SGCD: variants seen among roughly 807,000 people sequenced by gnomAD.
SGCD encodes the protein delta-sarcoglycan.
In SGCD, 18 loss-of-function variants were observed where a neutral mutation model predicts 36.6. The ratio of observed to expected loss-of-function variants is 0.49; its 90% confidence interval spans 0.34 to 0.73. The LOEUF (loss-of-function observed/expected upper bound fraction) is 0.73. Among genes scored for constraint, SGCD ranks in the 30% least tolerant of loss-of-function variants. The pLI, the probability that SGCD is intolerant of heterozygous loss-of-function variation, is 0.01. For missense variants in SGCD, 387 were observed against 346.7 expected (o/e 1.12, Z -0.92); for synonymous variants, 133 against 130.6 (o/e 1.02, Z -0.12).
chr5:155,883,793 C>CAAAAAAAAAAAAA (rs34250962), intron 1 of SGCD, among the ~76,000 whole-genome samples: 3 of 83,520 alleles, frequency 3.6e-5, no homozygotes, highest in African/African-American at 1.5e-4. Context: ...CTTCAATTTG[C>CAAAAAAAAAAAAA]AAAAAAAAAA....
intron 3 of SGCD, among the ~76,000 whole-genome samples, chr5:156,171,231 G>T (rs1174328295): frequency 6.6e-6 from 1 of 152,190 alleles, no homozygotes; most frequent in Non-Finnish European, 1.5e-5. Context: ...TGCTAAGTGG[G>T]TCCTAGAAGA....
chr5:156,321,220 C>T (rs1174323760), intron 3 of SGCD, among the ~76,000 whole-genome samples: 2 of 152,114 alleles, frequency 1.3e-5, no homozygotes, highest in Admixed American at 6.6e-5. Flanking sequence ...AAGATCGAGA[C>T]CATCCTGGCT....
chr5:156,230,349 A>C (rs1764984660), intron 3 of SGCD, among the ~76,000 whole-genome samples: 1 of 152,066 alleles, frequency 6.6e-6, no homozygotes, highest in Admixed American at 6.6e-5. Flanking sequence ...GCTCTTGTTC[A>C]GATTCTTTTG....
intron 3 of SGCD, among the ~76,000 whole-genome samples, chr5:156,433,999 A>G (rs892771694): frequency 1.3e-5 from 2 of 152,230 alleles, no homozygotes; most frequent in Non-Finnish European, 1.5e-5. Flanking sequence ...TTGGCCTCCA[A>G]TGGGTAACAT....
At chr5:156,355,829 G>A (rs966369991) in intron 3 of SGCD, among the ~76,000 whole-genome samples, 1 of 152,156 alleles carries the variant, frequency 6.6e-6, no homozygotes, top group Admixed American at 6.5e-5. Context: ...TAGGGATGGG[G>A]TTTCGCCATG....
At chr5:156,400,167 A>G (rs1772067795) in intron 3 of SGCD, among the ~76,000 whole-genome samples, 1 of 152,182 alleles carries the variant, frequency 6.6e-6, no homozygotes. Context: ...GAAAACACAC[A>G]TTACTGGACT....
At chr5:156,607,521 T>C (rs1761529979) in intron 6 of SGCD, among the ~76,000 whole-genome samples, 1 of 152,218 alleles carries the variant, frequency 6.6e-6, no homozygotes. Context: ...TTTGGTTGTG[T>C]CTCTGCCAGG....
intron 3 of SGCD, among the ~76,000 whole-genome samples, chr5:156,293,431 T>C (rs1179896288): frequency 1.3e-5 from 2 of 152,190 alleles, no homozygotes; most frequent in Non-Finnish European, 2.9e-5. Flanking sequence ...TATGTTTTCT[T>C]CTAAGAGTTT....
chr5:156,683,287 A>T (rs934885749), intron 7 of SGCD, among the ~76,000 whole-genome samples: 1 of 152,218 alleles, frequency 6.6e-6, no homozygotes, highest in African/African-American at 2.4e-5. Flanking sequence ...TTTGTTGCAC[A>T]TTCACTTTTA....
intron 1 of SGCD, among the ~76,000 whole-genome samples, chr5:156,008,920 T>C (rs747961757): frequency 2.6e-5 from 4 of 152,222 alleles, no homozygotes; most frequent in African/African-American, 4.8e-5. Flanking sequence ...GTTCAGTCTA[T>C]ATTTATACAA....
chr5:156,172,851 G>GTT (rs56825608), intron 3 of SGCD, among the ~76,000 whole-genome samples: 25 of 148,804 alleles, frequency 1.7e-4, no homozygotes, highest in Non-Finnish European at 1.9e-4. Flanking sequence ...CGTGTAATTT[G>GTT]TTTTTTTTTT....
chr5:155,965,411 C>T (rs1294939418), intron 1 of SGCD, among the ~76,000 whole-genome samples: 2 of 152,108 alleles, frequency 1.3e-5, no homozygotes, highest in African/African-American at 2.4e-5. Flanking sequence ...AATCATTGTT[C>T]AGGTCCTGCC....
chr5:155,771,430 A>ATT, the SGCD span, among the ~76,000 whole-genome samples: 16 of 142,074 alleles, frequency 1.1e-4, no homozygotes, highest in African/African-American at 2.8e-4. Context: ...TTAATTTTTA[A>ATT]TTTTTTTTTT....
intron 6 of SGCD, among the ~76,000 whole-genome samples, chr5:156,618,592 CAAAAAAA>C (rs748789128): frequency 1.0e-4 from 8 of 76,362 alleles, no homozygotes; most frequent in African/African-American, 3.8e-4. Context: ...TCATAATTCT[CAAAAAAA>C]AAAAAAAAAA....
intron 6 of SGCD, among the ~76,000 whole-genome samples, chr5:156,606,808 A>G (rs1337764051): frequency 1.3e-5 from 2 of 152,192 alleles, no homozygotes; most frequent in Non-Finnish European, 2.9e-5. Context: ...TCTTTGAAGC[A>G]ATTGTGATTG....
intron 7 of SGCD, among the ~76,000 whole-genome samples, chr5:156,754,889 C>T (rs191673181): frequency 1.3e-5 from 2 of 152,304 alleles, no homozygotes; most frequent in Admixed American, 6.5e-5. Context: ...GAGTTCAGAT[C>T]TCTTCTAAGG....
chr5:155,747,781 CCTTAT>C, the SGCD span, among the ~76,000 whole-genome samples: 2 of 152,280 alleles, frequency 1.3e-5, no homozygotes, highest in African/African-American at 4.8e-5. Flanking sequence ...GCTCCTCCCC[CCTTAT>C]CTGTCTTGGC....
chr5:156,693,940 C>A (rs1380794383), intron 7 of SGCD, among the ~76,000 whole-genome samples: 1 of 152,082 alleles, frequency 6.6e-6, no homozygotes, highest in Non-Finnish European at 1.5e-5. Context: ...ATTATTCTCC[C>A]CATTCTTCAT....
chr5:156,621,234 C>T (rs1762234969), intron 6 of SGCD, among the ~76,000 whole-genome samples: 1 of 152,168 alleles, frequency 6.6e-6, no homozygotes, highest in African/African-American at 2.4e-5. Context: ...CTCTGTTGCC[C>T]AGGCTGGAGT....
Sources: allele counts gnomAD v4.1 joint callset (sites outside exome capture counted in the v4.1 genomes callset), GRCh38; gene constraint gnomAD v4.1.1; transcripts MANE v1.5; gene names NCBI Gene and HGNC (gene_info 2026-07-23, HGNC 2026-07-21).